BIN1: variants seen among roughly 807,000 people sequenced by gnomAD.
BIN1 encodes the protein myc box-dependent-interacting protein 1.
In BIN1, 53 loss-of-function variants were observed where a neutral mutation model predicts 82.0. That is an observed-to-expected ratio of 0.65 (90% CI 0.52 to 0.81). The LOEUF (loss-of-function observed/expected upper bound fraction) is 0.81. Among genes scored for constraint, BIN1 ranks in the 40% least tolerant of loss-of-function variants. BIN1 has a pLI of 0.00. For synonymous variants in BIN1, 302 were observed against 328.0 expected (o/e 0.92, Z 0.86); for missense variants, 642 against 784.4 (o/e 0.82, Z 2.17).
At chr2:127,061,366 C>T (rs945885197) in intron 10 of BIN1, among the ~76,000 whole-genome samples, 1 of 152,194 alleles carries the variant, frequency 6.6e-6, no homozygotes, top group African/African-American at 2.4e-5. Flanking sequence ...AGGCAATACC[C>T]CAAGAAGCAG....
intron 1 of BIN1, among the ~76,000 whole-genome samples, chr2:127,101,526 C>A (rs1310503125): frequency 6.6e-6 from 1 of 152,202 alleles, no homozygotes; most frequent in African/African-American, 2.4e-5. Flanking sequence ...GGTTTCTTCA[C>A]CATCTCCCCT....
chr2:127,085,172 T>TGCG (rs1677967643), intron 1 of BIN1, among the ~76,000 whole-genome samples: 1 of 152,076 alleles, frequency 6.6e-6, no homozygotes, highest in Non-Finnish European at 1.5e-5. Flanking sequence ...CTGGGCCCCT[T>TGCG]GCAGCAGCCC....
chr2:127,104,477 C>G (rs1348565656), intron 1 of BIN1, among the ~76,000 whole-genome samples: 2 of 152,130 alleles, frequency 1.3e-5, no homozygotes, highest in Non-Finnish European at 2.9e-5. Context: ...ATGCAAGATA[C>G]GGGCCCTTCT....
At chr2:127,071,614 A>C (rs1348352874) in intron 2 of BIN1, among the ~76,000 whole-genome samples, 1 of 152,104 alleles carries the variant, frequency 6.6e-6, no homozygotes, top group Non-Finnish European at 1.5e-5. Flanking sequence ...CTGAGTGGAG[A>C]ACTCCAGGTT....
chr2:127,060,568 G>T (rs759503025), intron 10 of BIN1: 7 of 1,613,994 alleles, frequency 4.3e-6, no homozygotes, highest in Non-Finnish European at 5.1e-6. Flanking sequence ...GGGCCTCTGC[G>T]CCCCTCCGCA....
At position 127,059,278 on chromosome 2, in the gene BIN1, G is replaced by A. The variant is rs1242435480; in HGVS notation, c.858-123C>T. The A allele has an allele frequency of 2.8e-6, 3 of 1,057,834 alleles. No homozygotes were observed. The highest frequency in any genetic ancestry group is 2.1e-4 in the Middle Eastern group (1 of 4,850). 65.5% of individuals were successfully genotyped at this position (1,057,834 alleles called of 1,614,324 possible). ...CATATGGAGGTGTGAAACTGTGTGT[G>A]TGTGTGTGTGTGTGTATGTGAGAGA... is the stretch of plus-strand genomic sequence containing the variant. On this transcript the variant is annotated intron_variant, in intron 10 of 18. Coordinates refer to ENST00000316724, the MANE Select transcript of BIN1 (RefSeq NM_139343.3). This position sits in a 1 kb window ranked among gnomAD's most constrained non-coding sequence, Gnocchi z 6.7.
rs1244856668 is a variant in BIN1 at position 127,057,462 on chromosome 2, C to A, written c.1131+11G>T. The A allele has an allele frequency of 6.5e-7, 1 of 1,543,208 alleles. No homozygotes were observed. The highest frequency in any genetic ancestry group is 1.2e-5 in the South Asian group (1 of 83,044). The stretch of plus-strand genomic sequence containing the variant: ...AGAGAGGAGAGCTGGGCCGCGGCGG[C>A]CGCGGCTGACCTGGGAGGGGGTGGT... On this transcript the variant is annotated intron_variant, in intron 12 of 18. Transcript: ENST00000316724. The surrounding 1 kb of genome is among the most constrained non-coding windows in gnomAD (Gnocchi z 5.0).
Position 127,081,353 on chromosome 2 carries a change from G to A in BIN1, c.85-4647C>T, listed in dbSNP as rs181044478. On this transcript the variant is annotated intron_variant, in intron 1 of 18. Coordinates refer to ENST00000316724, the MANE Select transcript of BIN1 (RefSeq NM_139343.3). ...ACAAATCAGGACACAGCCTGACACC[G>A]TCCAGTCAGGAGGGGCCAGGAGCTC... Among the ~76,000 whole-genome samples, 556 of 152,336 alleles carry A rather than the reference G, an allele frequency of 3.6e-3. 1 individual carries two copies. Among genetic ancestry groups the A allele is most frequent in the Middle Eastern group, 6.8e-3 (2 of 294 alleles).
At chr2:127,049,716 G>C (rs1372773674) in intron 18 of BIN1, among the ~76,000 whole-genome samples, 1 of 152,214 alleles carries the variant, frequency 6.6e-6, no homozygotes, top group Non-Finnish European at 1.5e-5. Context: ...ACACAGCGGG[G>C]AGGCTCCTGC....
intron 18 of BIN1, among the ~76,000 whole-genome samples, chr2:127,049,904 C>T (rs925753420): frequency 6.6e-6 from 1 of 152,190 alleles, no homozygotes; most frequent in Non-Finnish European, 1.5e-5. Flanking sequence ...GAGCCTCAGC[C>T]GGGGACACAG....
intron 1 of BIN1, among the ~76,000 whole-genome samples, chr2:127,079,009 C>G (rs76931100): frequency 7.7e-4 from 117 of 152,346 alleles, no homozygotes; most frequent in Middle Eastern, 3.4e-3. Context: ...GATGCCCCTT[C>G]CACGCCCTGC....
chr2:127,057,007 G>T lies in BIN1; in HGVS notation c.1131+466C>A, dbSNP rs527388144. 2.6e-5 allele frequency among the ~76,000 whole-genome samples: 4 copies of T among 152,356 alleles called. No individual in the cohort carries two copies. The highest frequency in any genetic ancestry group is 2.0e-4 in the Admixed American group (3 of 15,312). ...GGGCATTCCACGCCTCTTAGGGAGTGTGCACACGGCAGTTCTGCCCTGCAG... is the reference window on the plus strand; with the variant it reads ...GGGCATTCCACGCCTCTTAGGGAGTTTGCACACGGCAGTTCTGCCCTGCAG... On this transcript the variant is annotated intron_variant, in intron 12 of 18. Coordinates refer to ENST00000316724, the MANE Select transcript of BIN1 (RefSeq NM_139343.3). This position sits in a 1 kb window ranked among gnomAD's most constrained non-coding sequence, Gnocchi z 5.0.
Position 127,048,327 on chromosome 2 carries a change from A to C in BIN1, c.*199T>G, listed in dbSNP as rs1211940926. 5.1e-6 allele frequency: 3 copies of C among 587,228 alleles called. No individual in the cohort carries two copies. Among genetic ancestry groups the C allele is most frequent in the Non-Finnish European group, 6.1e-6 (2 of 329,918 alleles). 36.4% of individuals were successfully genotyped at this position (587,228 alleles called of 1,614,324 possible). A position where few individuals can be genotyped will look rare whatever the true frequency, so the allele number is the denominator to read the frequency against. On this transcript the variant is annotated 3_prime_UTR_variant, in exon 19 of 19. Coordinates refer to ENST00000316724, the MANE Select transcript of BIN1 (RefSeq NM_139343.3). ...ACAGCAGCTTCAGGAACACTGGTGA[A>C]TTCCGCCGGACTTGCCGGGACGCGG... is the stretch of plus-strand genomic sequence containing the variant.
Position 127,057,573 on chromosome 2 carries a change from G to T in BIN1, c.1031C>A (p.Pro344His). Residue 344 changes from proline (P) to histidine (H), a missense_variant, in exon 12 of 19, where the codon CCT (proline) becomes CAT (histidine). Coordinates refer to ENST00000316724, the MANE Select transcript of BIN1 (RefSeq NM_139343.3). The surrounding 1 kb of genome is among the most constrained non-coding windows in gnomAD (Gnocchi z 5.0). ...TTCCTTGGACGGGGTGTGTTTGGGA[G>T]GCGGAGGGACTGGTGGGCCTTTCCG... ...QLRKGPPVPP[P>H]PKHTPSKEVK... 1 of 1,541,124 alleles carries T rather than the reference G, an allele frequency of 6.5e-7. No individual in the cohort carries two copies.
chr2:127,089,498 C>T (rs531919112), intron 1 of BIN1, among the ~76,000 whole-genome samples: 2 of 152,234 alleles, frequency 1.3e-5, no homozygotes, highest in East Asian at 1.9e-4. Flanking sequence ...GATGGGGACA[C>T]GTGTTGGGGT....
intron 1 of BIN1, among the ~76,000 whole-genome samples, chr2:127,098,633 G>C (rs369749753): frequency 1.3e-5 from 2 of 152,244 alleles, no homozygotes; most frequent in East Asian, 3.9e-4. Flanking sequence ...TCACAACGGG[G>C]GCCGAAGGTG....
chr2:127,085,198 AG>A (rs1677971512), intron 1 of BIN1, among the ~76,000 whole-genome samples: 1 of 152,194 alleles, frequency 6.6e-6, no homozygotes, highest in Admixed American at 6.5e-5. Context: ...GTGGCTGCAA[AG>A]GGGAGAAGTG....
At chr2:127,087,801 A>G (rs1184434739) in intron 1 of BIN1, among the ~76,000 whole-genome samples, 2 of 151,988 alleles carry the variant, frequency 1.3e-5, no homozygotes, top group Non-Finnish European at 2.9e-5. Context: ...TTTATCAGCC[A>G]CCCCACCACC....
chr2:127,054,082 A>G, intron 12 of BIN1, 70 bp from the exon 13 acceptor site: 1 of 1,334,918 alleles, frequency 7.5e-7, no homozygotes, highest in Non-Finnish European at 1.1e-6. Flanking sequence ...CCCCAGGCAG[A>G]CACTGCAGGC....
Sources: gnomAD v4.1 joint callset for allele counts (sites outside exome capture counted in the v4.1 genomes callset) on GRCh38, gnomAD v4.1.1 for gene constraint, Gnocchi (gnomAD v3.1) non-coding constraint, MANE v1.5 for transcripts, NCBI Gene and HGNC (gene_info 2026-07-23, HGNC 2026-07-21) for gene names.